CD9: variants seen among roughly 807,000 people sequenced by gnomAD.
The protein encoded by CD9 is CD9 molecule, also known as CD9 antigen.
Under a neutral mutation model 31.4 loss-of-function variants are expected in CD9, and 10 were observed. That is an observed-to-expected ratio of 0.32 (90% CI 0.20 to 0.54). CD9 has a LOEUF of 0.54. Among genes scored for constraint, CD9 ranks in the 20% least tolerant of loss-of-function variants. The probability of loss-of-function intolerance (pLI) is 0.94; values close to 1 mark genes in which losing one functional copy is unlikely to be tolerated. For synonymous variants in CD9, 113 were observed against 114.1 expected (o/e 0.99, Z 0.06); for missense variants, 259 against 300.1 (o/e 0.86, Z 1.01).
chr12:6,234,535 A>G (rs1415002904), intron 4 of CD9: 3 of 152,138 alleles, frequency 2.0e-5, no homozygotes, highest in Non-Finnish European at 2.9e-5. Flanking sequence ...GGAGGGGATC[A>G]TTGTGAAAAA....
intron 7 of CD9, among the ~76,000 whole-genome samples, chr12:6,237,407 A>T (rs1946536088): frequency 6.6e-6 from 1 of 152,256 alleles, no homozygotes; most frequent in Admixed American, 6.5e-5. Context: ...AGAGTATTAA[A>T]TAACATACAC....
At chr12:6,216,115 A>T (rs1946239853) in intron 1 of CD9, among the ~76,000 whole-genome samples, 1 of 152,226 alleles carries the variant, frequency 6.6e-6, no homozygotes, top group Non-Finnish European at 1.5e-5. Context: ...GGAGTGAATC[A>T]GCCCATCCAA....
intron 1 of CD9, among the ~76,000 whole-genome samples, chr12:6,222,342 C>T (rs572844433): frequency 4.9e-4 from 74 of 152,320 alleles, no homozygotes; most frequent in African/African-American, 1.6e-3. Flanking sequence ...CAGTCATGCC[C>T]CTGGCCCTCC....
At chr12:6,200,078 TC>T (rs1946054975), upstream of CD9, 1 of 151,894 alleles carries the variant, frequency 6.6e-6, no homozygotes, top group African/African-American at 2.4e-5. Flanking sequence ...TCCACGTAAG[TC>T]CGCGGTAAAA....
At chr12:6,233,749 G>T (rs1047487804) in intron 4 of CD9, among the ~76,000 whole-genome samples, 1 of 152,018 alleles carries the variant, frequency 6.6e-6, no homozygotes, top group African/African-American at 2.4e-5. Context: ...GCCTGTGCGT[G>T]TGTCTGTCTG....
Position 6,232,605 on chromosome 12 carries a change from G to C in CD9, c.176-27G>C, listed in dbSNP as rs373755597. The C allele has an allele frequency of 1.4e-6, 2 of 1,440,594 alleles. No individual in the cohort carries two copies. The highest frequency in any genetic ancestry group is 9.5e-7 in the Non-Finnish European group (1 of 1,049,498). 89.2% of individuals were successfully genotyped at this position (1,440,594 alleles called of 1,614,324 possible). On this transcript the variant is annotated intron_variant, in intron 2 of 7. Transcript: ENST00000009180. This position sits in a 1 kb window ranked among gnomAD's most constrained non-coding sequence, Gnocchi z 4.8. ...GGCCTCTGAACTGATGTCTCCACGC[G>C]TGTGTGCTTCCTCTGTCCTCCCGCA...
intron 1 of CD9, among the ~76,000 whole-genome samples, chr12:6,207,292 G>A (rs553801327): frequency 1.3e-5 from 2 of 152,158 alleles, no homozygotes; most frequent in East Asian, 1.9e-4. Flanking sequence ...TTGCCTCACC[G>A]TTCCCCGGGG....
At chr12:6,234,702 C>T (rs1946493042) in intron 4 of CD9, among the ~76,000 whole-genome samples, 1 of 152,176 alleles carries the variant, frequency 6.6e-6, no homozygotes, top group African/African-American at 2.4e-5. Flanking sequence ...GGCACGTGCT[C>T]CAGATTTACT....
At chr12:6,203,497 G>A (rs735885) in intron 1 of CD9, among the ~76,000 whole-genome samples, 61,241 of 151,994 alleles carry the variant, frequency 0.4, 12,957 homozygotes, top group Admixed American at 0.52. Flanking sequence ...GGCATCCAGA[G>A]AGAGGCCAAC....
Position 6,232,941 on chromosome 12 carries a change from C to CT in CD9, c.273+213dup. ...CTGTCTTATCGCTTCCCCTAGGCAACTAAAAGGACTATGTTTCCCCCTTTT... is the reference window on the plus strand; with the variant it reads ...CTGTCTTATCGCTTCCCCTAGGCAACTTAAAAGGACTATGTTTCCCCCTTTT... On this transcript the variant is annotated intron_variant, in intron 3 of 7. Transcript: ENST00000009180. This position sits in a 1 kb window ranked among gnomAD's most constrained non-coding sequence, Gnocchi z 4.8. 2 of 702,624 alleles carry CT rather than the reference C, an allele frequency of 2.8e-6. No individual in the cohort carries two copies. The highest frequency in any genetic ancestry group is 2.0e-5 in the Admixed American group (1 of 50,018). 43.5% of individuals were successfully genotyped at this position (702,624 alleles called of 1,614,324 possible).
chr12:6,235,375 G>A, intron 5 of CD9, 48 bp downstream of exon 5: 1 of 1,614,160 alleles, frequency 6.2e-7, no homozygotes, highest in Non-Finnish European at 8.5e-7. Context: ...TCCGGATTGT[G>A]TCTGCACACA....
chr12:6,200,604 C>T, intron 1 of CD9, 39 bp downstream of exon 1: 2 of 1,449,232 alleles, frequency 1.4e-6, no homozygotes, highest in Admixed American at 3.4e-5. Flanking sequence ...TCTCAGGGCC[C>T]ACCTGTTCGC....
In CD9 at chr12:6,222,355, T is replaced by C. The variant is rs11568231; in HGVS notation, c.67-3071T>C. On this transcript the variant is annotated intron_variant, in intron 1 of 7. Transcript: ENST00000009180. ...CCCAGTCATGCCCCTGGCCCTCCCTTTTCTCTGGGTTACTTGAACCTTTCT... is the reference window on the plus strand; with the variant it reads ...CCCAGTCATGCCCCTGGCCCTCCCTCTTCTCTGGGTTACTTGAACCTTTCT... Among the ~76,000 whole-genome samples, 934 of 152,330 alleles carry C rather than the reference T, an allele frequency of 6.1e-3. 10 individuals carry two copies. Among genetic ancestry groups the C allele is most frequent in the African/African-American group, 0.021 (890 of 41,576 alleles).
chr12:6,235,908 G>T, intron 6 of CD9: 1 of 1,380,084 alleles, frequency 7.2e-7, no homozygotes, highest in Non-Finnish European at 9.3e-7. Context: ...CTCCAGAATA[G>T]TAAAAGGTGA....
intron 1 of CD9, among the ~76,000 whole-genome samples, chr12:6,213,880 C>G (rs927836710): frequency 6.6e-6 from 1 of 152,172 alleles, no homozygotes; most frequent in African/African-American, 2.4e-5. Context: ...GTCAACACCC[C>G]AAATTGAAAG....
At position 6,237,935 on chromosome 12, in the gene CD9, T is replaced by C; in HGVS notation, c.*107T>C. On this transcript the variant is annotated 3_prime_UTR_variant, in exon 8 of 8. Coordinates refer to ENST00000009180, the MANE Select transcript of CD9 (RefSeq NM_001769.4). The stretch of plus-strand genomic sequence containing the variant: ...TGTTTGTTGTTTGTTTTTTTGCCAC[T>C]AATTTTAGTATTCATTCTGCATTGC... 1.3e-6 allele frequency: 1 copy of C among 790,420 alleles called. No homozygotes were observed. The highest frequency in any genetic ancestry group is 2.1e-6 in the Non-Finnish European group (1 of 466,338). The allele number at this position is 790,420 out of a possible 1,614,324, so 49.0% of individuals were successfully genotyped here.
intron 7 of CD9, 41 bp from the exon 8 acceptor site, chr12:6,237,722 A>G: frequency 6.6e-7 from 1 of 1,518,244 alleles, no homozygotes; most frequent in East Asian, 2.3e-5. Flanking sequence ...CTTCCTTCAG[A>G]TCAAACCACC....
intron 1 of CD9, among the ~76,000 whole-genome samples, chr12:6,220,120 G>C (rs547884729): frequency 6.6e-6 from 1 of 152,144 alleles, no homozygotes; most frequent in Non-Finnish European, 1.5e-5. Context: ...GGATGGATGC[G>C]ACACTGGCCT....
rs1173856684 is a variant in CD9 at position 6,232,148 on chromosome 12, G to A, written c.176-484G>A. 5.7e-6 allele frequency: 1 copy of A among 175,936 alleles called. No homozygotes were observed. The highest frequency in any genetic ancestry group is 2.7e-3 in the Middle Eastern group (1 of 374). The allele number at this position is 175,936 out of a possible 1,614,324, so 10.9% of individuals were successfully genotyped here. ...GTTGGTTCCCCCCACCCCTGGGTAG[G>A]GGGGTGCCTAGGTGTGCACGGCCCC... On this transcript the variant is annotated intron_variant, in intron 2 of 7. Transcript: ENST00000009180. The surrounding 1 kb of genome is among the most constrained non-coding windows in gnomAD (Gnocchi z 4.8).
Sources: allele counts gnomAD v4.1 joint callset (sites outside exome capture counted in the v4.1 genomes callset), GRCh38; gene constraint gnomAD v4.1.1; non-coding constraint Gnocchi (gnomAD v3.1); transcripts MANE v1.5; gene names NCBI Gene and HGNC (gene_info 2026-07-23, HGNC 2026-07-21).